Variants in DEFB123 observed in about 807,000 individuals in gnomAD.
DEFB123 encodes the protein beta-defensin 123.
For synonymous variants in DEFB123, 22 were observed against 28.3 expected (o/e 0.78, Z 0.71); for missense variants, 71 against 75.0 (o/e 0.95, Z 0.20).
At chr20:31,449,926 G>A in intron 1 of DEFB123, 103 bp from the exon 2 acceptor site, 1 of 1,374,050 alleles carries the variant, frequency 7.3e-7, no homozygotes, top group South Asian at 1.6e-5. Flanking sequence ...AGGGAAACAA[G>A]GGACCTTCTA....
chr20:31,441,300 TG>T (rs1166319124), intron 1 of DEFB123, among the ~76,000 whole-genome samples: 1 of 151,884 alleles, frequency 6.6e-6, no homozygotes, highest in Non-Finnish European at 1.5e-5. Flanking sequence ...TGGGTACACA[TG>T]GTCCAGCCCA....
chr20:31,444,066 G>C (rs1430830181), intron 1 of DEFB123, among the ~76,000 whole-genome samples: 1 of 152,162 alleles, frequency 6.6e-6, no homozygotes, highest in Admixed American at 6.5e-5. Flanking sequence ...TGAGTTTGCT[G>C]TTCTGTTGTT....
intron 1 of DEFB123, among the ~76,000 whole-genome samples, chr20:31,441,830 C>T (rs1401348743): frequency 3.3e-5 from 5 of 152,164 alleles, no homozygotes; most frequent in Non-Finnish European, 7.3e-5. Context: ...TTAAAACCTG[C>T]CCCATCATTT....
At chr20:31,446,384 G>A (rs988754510) in intron 1 of DEFB123, among the ~76,000 whole-genome samples, 1 of 152,202 alleles carries the variant, frequency 6.6e-6, no homozygotes, top group Admixed American at 6.5e-5. Context: ...CCCCTTATCT[G>A]ACACCAGCAC....
chr20:31,443,061 G>A (rs1979505370), intron 1 of DEFB123, among the ~76,000 whole-genome samples: 1 of 152,142 alleles, frequency 6.6e-6, no homozygotes, highest in Admixed American at 6.5e-5. Flanking sequence ...GGTGGGGTCA[G>A]GTCCTGTGCT....
At chr20:31,446,161 G>A (rs944418386) in intron 1 of DEFB123, among the ~76,000 whole-genome samples, 2 of 152,314 alleles carry the variant, frequency 1.3e-5, no homozygotes, top group Non-Finnish European at 2.9e-5. Context: ...GTCACCAAAC[G>A]AAGAAACAAA....
intron 1 of DEFB123, among the ~76,000 whole-genome samples, chr20:31,444,727 C>G (rs1979544604): frequency 6.6e-6 from 1 of 152,194 alleles, no homozygotes; most frequent in Non-Finnish European, 1.5e-5. Context: ...CTGCACACCA[C>G]ATAATACAAG....
intron 1 of DEFB123, among the ~76,000 whole-genome samples, chr20:31,441,449 G>C (rs1481197094): frequency 6.6e-6 from 1 of 152,156 alleles, no homozygotes; most frequent in Non-Finnish European, 1.5e-5. Context: ...TTGGATGCGG[G>C]AGAGAGCATG....
At chr20:31,446,620 G>C (rs1433850175) in intron 1 of DEFB123, among the ~76,000 whole-genome samples, 2 of 152,224 alleles carry the variant, frequency 1.3e-5, no homozygotes, top group Non-Finnish European at 2.9e-5. Context: ...GGCCGGTCTT[G>C]TGCAGTTCCT....
chr20:31,446,957 A>C (rs1303985062), intron 1 of DEFB123, among the ~76,000 whole-genome samples: 1 of 141,624 alleles, frequency 7.1e-6, no homozygotes, highest in Non-Finnish European at 1.5e-5. Flanking sequence ...AAAAAAAAAA[A>C]AAACAAAAAC....
chr20:31,450,250 C>T lies in DEFB123; in HGVS notation c.*76C>T. The T allele has an allele frequency of 2.7e-6, 4 of 1,477,028 alleles. No individual in the cohort carries two copies. The South Asian group carries it at 4.4e-5, about 16-fold the overall frequency. The allele number at this position is 1,477,028 out of a possible 1,614,324, so 91.5% of individuals were successfully genotyped here. On this transcript the variant is annotated 3_prime_UTR_variant, in exon 2 of 2. Coordinates refer to ENST00000376309, the MANE Select transcript of DEFB123 (RefSeq NM_153324.4). ...TCCCACACTCTATCAATAAACACCTCTGGCTGATCCCTGCGTTTGCCTGTT... is the reference window on the plus strand; with the variant it reads ...TCCCACACTCTATCAATAAACACCTTTGGCTGATCCCTGCGTTTGCCTGTT...
chr20:31,448,918 G>A (rs1054616235), intron 1 of DEFB123, among the ~76,000 whole-genome samples: 1 of 149,742 alleles, frequency 6.7e-6, no homozygotes, highest in Non-Finnish European at 1.5e-5. Flanking sequence ...AGTAGAGATG[G>A]GGTTTCTCCA....
chr20:31,442,819 G>A (rs190559874), intron 1 of DEFB123, among the ~76,000 whole-genome samples: 183 of 152,114 alleles, frequency 1.2e-3, no homozygotes, highest in African/African-American at 4.1e-3. Flanking sequence ...TGTTGCCCAG[G>A]CTGGTCTTGA....
At chr20:31,444,081 A>G (rs1979528149) in intron 1 of DEFB123, among the ~76,000 whole-genome samples, 1 of 152,180 alleles carries the variant, frequency 6.6e-6, no homozygotes, top group South Asian at 2.1e-4. Flanking sequence ...GTTGTTCACC[A>G]TTCCCCCAAA....
intron 1 of DEFB123, among the ~76,000 whole-genome samples, chr20:31,447,243 C>T (rs1442835077): frequency 6.6e-6 from 1 of 151,914 alleles, no homozygotes; most frequent in Non-Finnish European, 1.5e-5. Context: ...GCCTGGGCAA[C>T]AGAGCAAGAC....
chr20:31,449,126 C>A (rs376889847), intron 1 of DEFB123, among the ~76,000 whole-genome samples: 1 of 151,946 alleles, frequency 6.6e-6, no homozygotes, highest in Non-Finnish European at 1.5e-5. Context: ...GTTTTATCAT[C>A]CTTGTCTGCT....
At chr20:31,442,046 T>C (rs1979476273) in intron 1 of DEFB123, among the ~76,000 whole-genome samples, 1 of 152,154 alleles carries the variant, frequency 6.6e-6, no homozygotes, top group Admixed American at 6.5e-5. Context: ...ATCCTGACTG[T>C]GGGAGTTAGT....
chr20:31,445,712 G>A (rs1979571247), intron 1 of DEFB123, among the ~76,000 whole-genome samples: 1 of 152,064 alleles, frequency 6.6e-6, no homozygotes, highest in Non-Finnish European at 1.5e-5. Context: ...CCTAATTTTT[G>A]TAATTTTAGT....
chr20:31,441,472 A>T (rs1600549687), intron 1 of DEFB123, among the ~76,000 whole-genome samples: 1 of 152,030 alleles, frequency 6.6e-6, no homozygotes, highest in Non-Finnish European at 1.5e-5. Flanking sequence ...AGTGTCGGGG[A>T]CCTGCATAAC....
Sources: allele counts gnomAD v4.1 joint callset (sites outside exome capture counted in the v4.1 genomes callset), GRCh38; gene constraint gnomAD v4.1.1; transcripts MANE v1.5; gene names NCBI Gene and HGNC (gene_info 2026-07-23, HGNC 2026-07-21).